Variants in EEF1AKMT2 observed in about 807,000 individuals in gnomAD.
The protein encoded by EEF1AKMT2 is EEF1A lysine methyltransferase 2, also known as eukaryotic translation elongation factor 1 alpha lysine methyltransferase 2.
Under a neutral mutation model 35.8 loss-of-function variants are expected in EEF1AKMT2, and 32 were observed. The observed-to-expected ratio is 0.89, with a 90% CI of 0.67 to 1.20. The LOEUF (loss-of-function observed/expected upper bound fraction) is 1.20. Ranked by LOEUF, EEF1AKMT2 falls within the 50% of genes most tolerant of loss-of-function variation. EEF1AKMT2 has a pLI of 0.00. For missense variants in EEF1AKMT2, 330 were observed against 347.5 expected (o/e 0.95, Z 0.40); for synonymous variants, 121 against 133.7 (o/e 0.91, Z 0.65).
rs71484588 is a variant in EEF1AKMT2 at position 124,769,946 on chromosome 10, C to CAAAAAA, written c.400-4344_400-4339dup. Reference sequence around the variant, plus strand: ...GGGCAACAAGAGCGAAACTCCATCTCAAAAAAAAAAAAAAAAAAAAAAAAA... The same window carrying CAAAAAA: ...GGGCAACAAGAGCGAAACTCCATCTCAAAAAAAAAAAAAAAAAAAAAAAAAAAAAAA... On this transcript the variant is annotated intron_variant, in intron 4 of 6. Transcript: ENST00000368836. Among the ~76,000 whole-genome samples, 19 of 60,200 alleles carry CAAAAAA rather than the reference C, an allele frequency of 3.2e-4. No individual in the cohort carries two copies. The East Asian group carries it at 6.8e-3, about 21-fold the overall frequency. 39.5% of individuals were successfully genotyped at this position (60,200 alleles called of 152,430 possible).
chr10:124,780,631 T>A (rs1359081415), intron 3 of EEF1AKMT2, among the ~76,000 whole-genome samples: 1 of 151,902 alleles, frequency 6.6e-6, no homozygotes, highest in African/African-American at 2.4e-5. Flanking sequence ...AAAATTGACA[T>A]TTCATGTGTA....
rs577815398 is a variant in EEF1AKMT2 at position 124,759,327 on chromosome 10, C to A, written c.*1176G>T. The A allele has an allele frequency of 6.6e-6, 1 of 152,212 alleles. No homozygotes were observed. Among genetic ancestry groups the A allele is most frequent in the African/African-American group, 2.4e-5 (1 of 41,530 alleles). The allele number at this position is 152,212 out of a possible 1,614,324, so 9.4% of individuals were successfully genotyped here. A position where few individuals can be genotyped will look rare whatever the true frequency, so the allele number is the denominator to read the frequency against. ...ACACTACCCTTTCACAGAAGAATGACAAAATTCTTAATAGAGGCAAGTCTT... is the reference window on the plus strand; with the variant it reads ...ACACTACCCTTTCACAGAAGAATGAAAAAATTCTTAATAGAGGCAAGTCTT... On this transcript the variant is annotated 3_prime_UTR_variant, in exon 7 of 7. Coordinates refer to ENST00000368836, the MANE Select transcript of EEF1AKMT2 (RefSeq NM_212554.4).
intron 3 of EEF1AKMT2, 41 bp from the exon 4 acceptor site, chr10:124,774,823 TATA>T (rs778211028): frequency 1.8e-5 from 18 of 978,010 alleles, no homozygotes; most frequent in African/African-American, 6.9e-5. Context: ...AAAATTTTAA[TATA>T]ATGTTTTGTT....
chr10:124,782,704 C>G (rs1182886798), intron 3 of EEF1AKMT2, among the ~76,000 whole-genome samples: 2 of 148,124 alleles, frequency 1.4e-5, no homozygotes, highest in African/African-American at 5.0e-5. Flanking sequence ...CCCAGCTACT[C>G]AGGGAGGCTG....
rs1207772862 is a variant in EEF1AKMT2 at position 124,762,572 on chromosome 10, A to G, written c.617-14T>C. On this transcript the variant is annotated splice_polypyrimidine_tract_variant and intron_variant, in intron 5 of 6. Transcript: ENST00000368836. ...CTGTACTCCAACCTGGGCAACAGAG[A>G]GAGAGACAGACCGTTTCAAAAACAG... 11 of 1,163,322 alleles carry G rather than the reference A, an allele frequency of 9.5e-6. No individual in the cohort carries two copies. The highest frequency in any genetic ancestry group is 3.1e-5 in the Admixed American group (1 of 32,332). The allele number at this position is 1,163,322 out of a possible 1,614,324, so 72.1% of individuals were successfully genotyped here.
rs191931755 is a variant in EEF1AKMT2, at chr10:124,779,058, A to G, written c.292-4276T>C. 2.5e-3 allele frequency among the ~76,000 whole-genome samples: 386 copies of G among 152,286 alleles called. 1 individual carries two copies. Among genetic ancestry groups the G allele is most frequent in the Middle Eastern group, 6.8e-3 (2 of 294 alleles). On this transcript the variant is annotated intron_variant, in intron 3 of 6. Coordinates refer to ENST00000368836, the MANE Select transcript of EEF1AKMT2 (RefSeq NM_212554.4). ...TATTCTACGCCACATATGCAAATAT[A>G]CACCAACACCTAATAAGTTTACTTG...
chr10:124,782,922 G>C (rs1384916944), intron 3 of EEF1AKMT2: 2 of 413,088 alleles, frequency 4.8e-6, no homozygotes, highest in South Asian at 3.5e-5. Flanking sequence ...ACCAGTTAAA[G>C]GTTAGAGATT....
intron 4 of EEF1AKMT2, among the ~76,000 whole-genome samples, chr10:124,770,542 G>A (rs1266938792): frequency 1.3e-5 from 2 of 152,182 alleles, no homozygotes; most frequent in African/African-American, 4.8e-5. Flanking sequence ...ACTGATCAAG[G>A]TATTGGTTGC....
chr10:124,778,057 G>A (rs1211924700), intron 3 of EEF1AKMT2, among the ~76,000 whole-genome samples: 1 of 152,004 alleles, frequency 6.6e-6, no homozygotes, highest in Non-Finnish European at 1.5e-5. Context: ...CAGGCGTGGT[G>A]GCGGGTGCCT....
intron 3 of EEF1AKMT2, among the ~76,000 whole-genome samples, chr10:124,782,660 A>C (rs1300093585): frequency 6.6e-6 from 1 of 151,738 alleles, no homozygotes; most frequent in Middle Eastern, 3.4e-3. Context: ...AAAAATACAA[A>C]AAGTAGCCGT....
intron 4 of EEF1AKMT2, among the ~76,000 whole-genome samples, chr10:124,772,025 G>C (rs1950441149): frequency 6.6e-6 from 1 of 152,164 alleles, no homozygotes; most frequent in South Asian, 2.1e-4. Flanking sequence ...ACTGTAAACA[G>C]ATGTGCCGTT....
In EEF1AKMT2 at chr10:124,765,627, T is replaced by C. The variant is rs1185671961; in HGVS notation, c.400-19A>G. 2 of 1,583,914 alleles carry C rather than the reference T, an allele frequency of 1.3e-6. No homozygotes were observed. The highest frequency in any genetic ancestry group is 2.2e-5 in the East Asian group (1 of 44,596). On this transcript the variant is annotated intron_variant, in intron 4 of 6. Transcript: ENST00000368836. ...CTTCTACCTATATTAAAAGTCAATG[T>C]CTATGTGAGAACAATTAAAACAAAA...
chr10:124,779,868 C>T (rs1298776603), intron 3 of EEF1AKMT2, among the ~76,000 whole-genome samples: 1 of 151,194 alleles, frequency 6.6e-6, no homozygotes, highest in East Asian at 1.9e-4. Context: ...CGAGACCATC[C>T]TGGCTAACAG....
chr10:124,787,665 G>A (rs1304901651), intron 3 of EEF1AKMT2, among the ~76,000 whole-genome samples: 2 of 151,656 alleles, frequency 1.3e-5, no homozygotes, highest in African/African-American at 2.4e-5. Flanking sequence ...AGGATCGCTT[G>A]AGCCTGAGAG....
At chr10:124,774,554 G>T in intron 4 of EEF1AKMT2, 121 bp downstream of exon 4, 1 of 506,852 alleles carries the variant, frequency 2.0e-6, no homozygotes. Flanking sequence ...ATTTAAAAAT[G>T]TTTCAATTTG....
intron 3 of EEF1AKMT2, among the ~76,000 whole-genome samples, chr10:124,787,735 GAA>G (rs576161212): frequency 7.3e-6 from 1 of 136,258 alleles, no homozygotes. Flanking sequence ...GACAAAGCCT[GAA>G]AAAAAAAAAA....
chr10:124,757,573 A>T (rs1424195940), downstream of EEF1AKMT2, among the ~76,000 whole-genome samples: 4 of 152,350 alleles, frequency 2.6e-5, no homozygotes, highest in East Asian at 3.9e-4. Context: ...GGTTTCTATT[A>T]TACTCTGGAT....
chr10:124,783,837 A>T (rs900722574), intron 3 of EEF1AKMT2, among the ~76,000 whole-genome samples: 1 of 151,430 alleles, frequency 6.6e-6, no homozygotes, highest in African/African-American at 2.4e-5. Context: ...ATTTTATTTT[A>T]TTTTGAGACA....
intron 2 of EEF1AKMT2, among the ~76,000 whole-genome samples, chr10:124,789,898 A>G (rs929335504): frequency 1.3e-5 from 2 of 148,316 alleles, no homozygotes; most frequent in Admixed American, 6.7e-5. Context: ...GAATATATGC[A>G]TTTTTTTTTT....
Sources: gnomAD v4.1 joint callset for allele counts (sites outside exome capture counted in the v4.1 genomes callset) on GRCh38, gnomAD v4.1.1 for gene constraint, MANE v1.5 for transcripts, NCBI Gene and HGNC (gene_info 2026-07-23, HGNC 2026-07-21) for gene names.